The following RANBP2 variants were observed in gnomAD, a reference collection of about 807,000 sequenced individuals.
RANBP2 encodes RAN binding protein 2, also known as E3 SUMO-protein ligase RanBP2.
RANBP2 carries 57 observed loss-of-function variants against 303.6 expected under a neutral mutation model. The ratio of observed to expected loss-of-function variants is 0.19; its 90% CI spans 0.15 to 0.23. The LOEUF (loss-of-function observed/expected upper bound fraction) is 0.23, where lower values mean the gene tolerates loss of function less well. RANBP2 is among the 10% of genes least tolerant of loss of function. The probability of loss-of-function intolerance (pLI) is 1.00; values close to 1 mark genes in which losing one functional copy is unlikely to be tolerated. For missense variants in RANBP2, 3,138 were observed against 3,780.8 expected, an observed-to-expected ratio of 0.83 and a Z score of 4.46; for synonymous variants, 1,167 against 1,301.5, an observed-to-expected ratio of 0.90 and a Z score of 2.23.
At chr2:109,590,078 A>G in the RANBP2 span, among the ~76,000 whole-genome samples, 5 of 147,652 alleles carry the variant, frequency 3.4e-5, no homozygotes, top group Admixed American at 6.7e-5. Context: ...ACACACATAT[A>G]TATGTATATA....
chr2:109,410,929 C>T, the RANBP2 span, among the ~76,000 whole-genome samples: 1 of 152,288 alleles, frequency 6.6e-6, no homozygotes, highest in South Asian at 2.1e-4. Flanking sequence ...CTCAAAGGCA[C>T]CTGGAGCTCT....
the RANBP2 span, among the ~76,000 whole-genome samples, chr2:109,637,155 C>T: frequency 3.3e-5 from 5 of 152,172 alleles, no homozygotes; most frequent in Admixed American, 6.5e-5. Context: ...TATGACTGGA[C>T]GTGCATGTAA....
At chr2:109,383,979 C>T in the RANBP2 span, among the ~76,000 whole-genome samples, 1 of 152,210 alleles carries the variant, frequency 6.6e-6, no homozygotes, top group African/African-American at 2.4e-5. Context: ...ACAAACAGTT[C>T]CTTCAGGGCT....
At chr2:109,620,206 A>G in the RANBP2 span, among the ~76,000 whole-genome samples, 1 of 152,220 alleles carries the variant, frequency 6.6e-6, no homozygotes. Context: ...ATAATGTTAC[A>G]TAATATGGAT....
chr2:108,907,197 A>T, the RANBP2 span, among the ~76,000 whole-genome samples: 1 of 152,254 alleles, frequency 6.6e-6, no homozygotes, highest in East Asian at 1.9e-4. Context: ...TGCATAGAAG[A>T]AAAACGTTGT....
the RANBP2 span, among the ~76,000 whole-genome samples, chr2:109,115,455 C>T: frequency 6.6e-6 from 1 of 152,114 alleles, no homozygotes; most frequent in Non-Finnish European, 1.5e-5. Flanking sequence ...ATTGCAACCC[C>T]TGCCTTTTTT....
the RANBP2 span, among the ~76,000 whole-genome samples, chr2:109,437,755 G>A: frequency 6.6e-6 from 1 of 152,000 alleles, no homozygotes; most frequent in Non-Finnish European, 1.5e-5. Context: ...AGGATGTTGT[G>A]AGATGAAAAG....
At chr2:109,047,689 A>G in the RANBP2 span, among the ~76,000 whole-genome samples, 2 of 152,224 alleles carry the variant, frequency 1.3e-5, no homozygotes, top group Admixed American at 6.5e-5. Context: ...AGGCACCTGT[A>G]ATCCCAGCTA....
At chr2:109,535,639 GAA>G in the RANBP2 span, among the ~76,000 whole-genome samples, 1 of 152,214 alleles carries the variant, frequency 6.6e-6, no homozygotes, top group African/African-American at 2.4e-5. Context: ...AGGAATGTAA[GAA>G]AAGTCTGGCC....
At chr2:109,103,899 T>C in the RANBP2 span, among the ~76,000 whole-genome samples, 1 of 151,854 alleles carries the variant, frequency 6.6e-6, no homozygotes, top group Admixed American at 6.6e-5. Context: ...GTTCACACCA[T>C]TCTCCTGCCT....
the RANBP2 span, among the ~76,000 whole-genome samples, chr2:109,369,174 C>T: frequency 4.0e-5 from 6 of 150,358 alleles, no homozygotes; most frequent in African/African-American, 1.5e-4. Context: ...GAAACCCCGT[C>T]TCTTCTTAAA....
At chr2:109,141,258 T>A in the RANBP2 span, among the ~76,000 whole-genome samples, 7 of 152,220 alleles carry the variant, frequency 4.6e-5, no homozygotes, top group Non-Finnish European at 7.3e-5. Context: ...TTCCCCTCTG[T>A]GGGCCGTGCG....
the RANBP2 span, among the ~76,000 whole-genome samples, chr2:109,261,117 A>G: frequency 3.3e-5 from 5 of 152,296 alleles, no homozygotes; most frequent in African/African-American, 4.8e-5. Flanking sequence ...TGGGGGCCCA[A>G]CAGCCAGGCC....
chr2:109,208,476 G>A, the RANBP2 span, among the ~76,000 whole-genome samples: 1 of 152,170 alleles, frequency 6.6e-6, no homozygotes, highest in Non-Finnish European at 1.5e-5. Flanking sequence ...TGTGGAGAAG[G>A]GCAAAGGCTC....
the RANBP2 span, among the ~76,000 whole-genome samples, chr2:109,644,199 C>T: frequency 6.6e-6 from 1 of 151,432 alleles, no homozygotes. Flanking sequence ...CCCAGCTACT[C>T]CGGAGGCCGA....
chr2:109,575,145 T>C, the RANBP2 span, among the ~76,000 whole-genome samples: 1 of 152,228 alleles, frequency 6.6e-6, no homozygotes, highest in South Asian at 2.1e-4. Context: ...GAATTTACAC[T>C]GATTCATTCT....
At chr2:108,941,663 C>A in the RANBP2 span, among the ~76,000 whole-genome samples, 1 of 152,344 alleles carries the variant, frequency 6.6e-6, no homozygotes, top group South Asian at 2.1e-4. Context: ...CAACAAGTCA[C>A]TTCCAAAAGA....
the RANBP2 span, among the ~76,000 whole-genome samples, chr2:109,125,624 C>T: frequency 3.3e-5 from 5 of 152,250 alleles, no homozygotes; most frequent in African/African-American, 4.8e-5. Context: ...CCGAAGATTT[C>T]GTTACTTCTC....
At chr2:109,488,116 C>A in the RANBP2 span, among the ~76,000 whole-genome samples, 1 of 152,204 alleles carries the variant, frequency 6.6e-6, no homozygotes, top group Non-Finnish European at 1.5e-5. Flanking sequence ...GCAGAGTGGG[C>A]TCCGCCGGGA....
Sources: allele counts gnomAD v4.1 joint callset (sites outside exome capture counted in the v4.1 genomes callset), GRCh38; gene constraint gnomAD v4.1.1; transcripts MANE v1.5; gene names NCBI Gene and HGNC (gene_info 2026-07-23, HGNC 2026-07-21).